Variants in INSL6 observed in about 807,000 individuals in gnomAD.
INSL6 encodes the protein insulin-like peptide INSL6.
INSL6 carries 16 observed loss-of-function variants against 9.4 expected under a neutral mutation model. That is an observed-to-expected ratio of 1.70 (90% CI 1.15 to 2.59). The LOEUF (loss-of-function observed/expected upper bound fraction) is 2.59, where lower values mean the gene tolerates loss of function less well. Ranked by LOEUF, INSL6 falls within the 30% of genes most tolerant of loss-of-function variation. INSL6 has a pLI of 0.00. For synonymous variants in INSL6, 154 were observed against 96.9 expected (o/e 1.59, Z -3.46); for missense variants, 391 against 257.3 (o/e 1.52, Z -3.56).
the INSL6 span, among the ~76,000 whole-genome samples, chr9:5,093,288 A>G: frequency 3.3e-5 from 5 of 152,196 alleles, no homozygotes; most frequent in Non-Finnish European, 7.4e-5. Context: ...CCTGTTTACC[A>G]AAAACATCAC....
the INSL6 span, chr9:5,022,183 G>C: frequency 6.2e-7 from 1 of 1,614,046 alleles, no homozygotes; most frequent in Non-Finnish European, 8.5e-7. Context: ...TGTTGCAGAA[G>C]AAATCTGTAT....
the INSL6 span, chr9:5,073,920 T>C: frequency 8.1e-6 from 5 of 620,068 alleles, no homozygotes; most frequent in Non-Finnish European, 1.4e-5. Flanking sequence ...TTTTTGAAAC[T>C]GAAAACACTG....
chr9:5,013,502 G>T, the INSL6 span, among the ~76,000 whole-genome samples: 5 of 152,180 alleles, frequency 3.3e-5, no homozygotes, highest in Non-Finnish European at 7.3e-5. Flanking sequence ...GGACATTTCT[G>T]TGGAAAAGTT....
the INSL6 span, among the ~76,000 whole-genome samples, chr9:5,115,484 A>G: frequency 1.3e-5 from 2 of 152,218 alleles, no homozygotes; most frequent in African/African-American, 4.8e-5. Context: ...TAGTTCAACC[A>G]TTGTGGAAGA....
chr9:4,996,866 A>G, the INSL6 span, among the ~76,000 whole-genome samples: 13 of 151,218 alleles, frequency 8.6e-5, no homozygotes, highest in African/African-American at 2.9e-4. Flanking sequence ...TAAAAGTAAC[A>G]CTGTATTAGG....
intron 2 of INSL6, among the ~76,000 whole-genome samples, chr9:5,133,816 C>T (rs1197219476): frequency 6.6e-6 from 1 of 151,862 alleles, no homozygotes; most frequent in African/African-American, 2.4e-5. Flanking sequence ...TCCTCGCTAG[C>T]AAGGGAACAA....
the INSL6 span, among the ~76,000 whole-genome samples, chr9:5,092,215 G>C: frequency 4.6e-5 from 7 of 152,120 alleles, no homozygotes; most frequent in Admixed American, 1.3e-4. Context: ...AAATCTAAGG[G>C]CTCAAGGAGG....
chr9:5,166,456 G>C (rs1057329374), intron 1 of INSL6, among the ~76,000 whole-genome samples: 3 of 150,764 alleles, frequency 2.0e-5, no homozygotes, highest in African/African-American at 7.3e-5. Flanking sequence ...AGACTAATCA[G>C]GAACAAAAAA....
the INSL6 span, chr9:5,085,298 A>T: frequency 1.4e-6 from 1 of 723,494 alleles, no homozygotes; most frequent in Admixed American, 1.8e-5. Flanking sequence ...TTAGAACATG[A>T]GGTGAAGTCG....
the INSL6 span, among the ~76,000 whole-genome samples, chr9:5,096,328 C>A: frequency 6.6e-6 from 1 of 152,132 alleles, no homozygotes; most frequent in Non-Finnish European, 1.5e-5. Context: ...TACTTAATTT[C>A]TGTAACAAAC....
chr9:5,117,716 G>T, the INSL6 span, among the ~76,000 whole-genome samples: 1 of 151,684 alleles, frequency 6.6e-6, no homozygotes. Context: ...ATTTAATATG[G>T]TAAATACTGG....
At chr9:5,095,413 C>G in the INSL6 span, among the ~76,000 whole-genome samples, 1 of 152,168 alleles carries the variant, frequency 6.6e-6, no homozygotes, top group Non-Finnish European at 1.5e-5. Context: ...TTTTCTTACA[C>G]AAGCAACTGC....
intron 3 of INSL6, among the ~76,000 whole-genome samples, chr9:5,125,562 T>A (rs552541682): frequency 1.3e-5 from 2 of 151,644 alleles, no homozygotes; most frequent in East Asian, 1.9e-4. Context: ...TATTTTAAAA[T>A]TTTTTTAATT....
chr9:5,034,329 C>G, the INSL6 span, among the ~76,000 whole-genome samples: 1 of 152,100 alleles, frequency 6.6e-6, no homozygotes, highest in Non-Finnish European at 1.5e-5. Context: ...TTAGACAGAT[C>G]AACAAGACAG....
the INSL6 span, chr9:5,073,591 T>C: frequency 1.1e-5 from 9 of 821,986 alleles, no homozygotes; most frequent in African/African-American, 5.1e-5. Context: ...TCTATAGTCA[T>C]GCTGAAAGTA....
chr9:5,001,192 A>G, the INSL6 span, among the ~76,000 whole-genome samples: 2 of 152,074 alleles, frequency 1.3e-5, no homozygotes, highest in Non-Finnish European at 2.9e-5. Context: ...CTTTTATTTC[A>G]TTTTCTTACC....
At chr9:5,077,370 A>G in the INSL6 span, 3 of 474,350 alleles carry the variant, frequency 6.3e-6, no homozygotes, top group Non-Finnish European at 9.9e-6. Flanking sequence ...TAATGGTCAC[A>G]TGTAAGTATA....
chr9:5,087,529 C>A, the INSL6 span, among the ~76,000 whole-genome samples: 1 of 152,190 alleles, frequency 6.6e-6, no homozygotes, highest in Admixed American at 6.5e-5. Flanking sequence ...GGTTTTCTAT[C>A]TTAAATCTTT....
At chr9:5,107,666 A>T in the INSL6 span, among the ~76,000 whole-genome samples, 2 of 152,212 alleles carry the variant, frequency 1.3e-5, no homozygotes, top group African/African-American at 4.8e-5. Context: ...ACATTATATT[A>T]CCATATACCA....
Sources: allele counts gnomAD v4.1 joint callset (sites outside exome capture counted in the v4.1 genomes callset), GRCh38; gene constraint gnomAD v4.1.1; transcripts MANE v1.5; gene names NCBI Gene and HGNC (gene_info 2026-07-23, HGNC 2026-07-21).